The following ZNF66 variants were observed in gnomAD, a reference collection of about 807,000 sequenced individuals.
ZNF66 encodes the protein putative zinc finger protein 66.
Under a neutral mutation model 35.2 loss-of-function variants are expected in ZNF66, and 32 were observed. The ratio of observed to expected loss-of-function variants is 0.91; its 90% CI spans 0.69 to 1.22. ZNF66 has a LOEUF of 1.22. Among genes scored for constraint, ZNF66 ranks in the 50% most tolerant of loss-of-function variants. ZNF66 has a pLI of 0.00. For missense variants in ZNF66, 666 were observed against 543.1 expected, an observed-to-expected ratio of 1.23 and a Z score of -2.25; for synonymous variants, 231 against 181.3, an observed-to-expected ratio of 1.27 and a Z score of -2.20.
At position 20,793,858 on chromosome 19, in the gene ZNF66, A is replaced by G. The variant is rs189794874; in HGVS notation, c.206A>G (p.Glu69Gly). Residue 69 changes from glutamate to glycine, a missense_variant, in exon 3 of 4, where the codon GAG becomes GGG. Physicochemically the swap from Glu to Gly is moderately conservative, Grantham distance 98. Transcript: ENST00000344519. ...AAACCTTCGACTATGCAGAGACATG[A>G]GATGGTAGCCAACCCCTCAGGTAGG... ...GKKPSTMQRH[E>G]MVANPSVLCS... is the part of the protein sequence containing the mutation. 8 of 1,181,864 alleles carry G rather than the reference A, an allele frequency of 6.8e-6. No individual in the cohort carries two copies. Among genetic ancestry groups the G allele is most frequent in the Non-Finnish European group, 9.5e-6 (8 of 840,526 alleles). The allele number at this position is 1,181,864 out of a possible 1,614,324, so 73.2% of individuals were successfully genotyped here.
chr19:20,782,672 TTTTGAAAAGAATCTGTGTTTTTG>T (rs1971255455), intron 1 of ZNF66, among the ~76,000 whole-genome samples: 3 of 152,194 alleles, frequency 2.0e-5, no homozygotes. Flanking sequence ...GTATATCTTC[TTTTGAAAAGAATCTGTGTTTTTG>T]CCTACAATTT....
At chr19:20,799,065 C>CTTTTTTTT (rs746296804) in intron 3 of ZNF66, 9 of 128,152 alleles carry the variant, frequency 7.0e-5, no homozygotes, top group African/African-American at 8.9e-5. Context: ...TTCTTTCTTT[C>CTTTTTTTT]TTTTTTTTTT....
At chr19:20,789,139 G>T (rs1402757951) in intron 1 of ZNF66, among the ~76,000 whole-genome samples, 1 of 152,106 alleles carries the variant, frequency 6.6e-6, no homozygotes, top group East Asian at 1.9e-4. Context: ...CAGGGCAGTG[G>T]CTAGAAAATA....
chr19:20,794,297 A>AT (rs964156824), intron 3 of ZNF66: 145 of 178,306 alleles, frequency 8.1e-4, no homozygotes, highest in South Asian at 2.7e-3. Flanking sequence ...TTTCTGTTGC[A>AT]TTTTTTTTTG....
Position 20,778,980 on chromosome 19 carries a change from CAGTT to C in ZNF66, c.3+2535_3+2538del, listed in dbSNP as rs1339569085. Reference sequence around the variant, plus strand: ...AGCCTGCAACTGGATATTGAAGACTCAGTTAGTTTTTTCTGGGGAGCCTCCCGTG... The same window carrying C: ...AGCCTGCAACTGGATATTGAAGACTCAGTTTTTTCTGGGGAGCCTCCCGTG... On this transcript the variant is annotated intron_variant, in intron 1 of 3. Coordinates refer to ENST00000344519, the MANE Select transcript of ZNF66 (RefSeq NM_001355197.2). Among the ~76,000 whole-genome samples, 13 of 152,226 alleles carry C rather than the reference CAGTT, an allele frequency of 8.5e-5. No homozygotes were observed. The East Asian group carries it at 1.7e-3, about 20-fold the overall frequency.
chr19:20,787,796 G>A (rs1012376061), intron 1 of ZNF66, among the ~76,000 whole-genome samples: 6 of 152,178 alleles, frequency 3.9e-5, no homozygotes, highest in Admixed American at 3.3e-4. Context: ...AGTTATTTTT[G>A]TTATTTCCTT....
chr19:20,796,469 G>T (rs1971393567), intron 3 of ZNF66, among the ~76,000 whole-genome samples: 1 of 152,012 alleles, frequency 6.6e-6, no homozygotes, highest in Non-Finnish European at 1.5e-5. Flanking sequence ...CAGGCAAAAA[G>T]GAATTAAAGG....
At chr19:20,785,435 C>A (rs575162192) in intron 1 of ZNF66, among the ~76,000 whole-genome samples, 117 of 152,314 alleles carry the variant, frequency 7.7e-4, no homozygotes, top group African/African-American at 2.8e-3. Context: ...AAACTACCTC[C>A]TGTTCTGAAG....
chr19:20,792,421 A>G (rs945041640), intron 1 of ZNF66, 91 bp from the exon 2 acceptor site: 14 of 1,190,028 alleles, frequency 1.2e-5, no homozygotes, highest in Middle Eastern at 2.0e-4. Context: ...AGTCAGAACC[A>G]GTTATCTTTA....
intron 2 of ZNF66, among the ~76,000 whole-genome samples, chr19:20,793,297 ATTTTCTTTTCTTTTC>A (rs562862450): frequency 0.079 from 9,182 of 116,144 alleles, 496 homozygotes; most frequent in Middle Eastern, 0.12. Context: ...AATTGAAAGT[ATTTTCTTTTCTTTTC>A]TTTTCTTTTC....
chr19:20,808,275 T>G lies in ZNF66; in HGVS notation c.*953T>G, dbSNP rs581768. 0.093 allele frequency among the ~76,000 whole-genome samples: 14,187 copies of G among 152,136 alleles called. 680 individuals are homozygous for G. Among genetic ancestry groups the G allele is most frequent in the Middle Eastern group, 0.11 (33 of 294 alleles). ...GCCTCTGTAGGCTCCACCTCTGGGGTCAGGGCACAGACAAAAAGACAGCAG... is the reference window on the plus strand; with the variant it reads ...GCCTCTGTAGGCTCCACCTCTGGGGGCAGGGCACAGACAAAAAGACAGCAG... On this transcript the variant is annotated 3_prime_UTR_variant, in exon 4 of 4. Transcript: ENST00000344519.
At chr19:20,786,406 C>G (rs892674650) in intron 1 of ZNF66, among the ~76,000 whole-genome samples, 3 of 152,048 alleles carry the variant, frequency 2.0e-5, no homozygotes, top group African/African-American at 7.2e-5. Flanking sequence ...GCCCAGAAAC[C>G]CAATCAGAGT....
intron 2 of ZNF66, 62 bp from the exon 3 acceptor site, chr19:20,793,721 A>T: frequency 1.6e-6 from 1 of 615,484 alleles, no homozygotes; most frequent in Non-Finnish European, 2.7e-6. Context: ...TCCTGAGCAC[A>T]TTACTAGCTT....
chr19:20,802,578 G>T (rs1215622838), intron 3 of ZNF66, among the ~76,000 whole-genome samples: 1 of 152,110 alleles, frequency 6.6e-6, no homozygotes, highest in African/African-American at 2.4e-5. Context: ...TTTAAAAAAT[G>T]TGTTAAGGCT....
At chr19:20,794,168 A>G in intron 3 of ZNF66, 1 of 439,904 alleles carries the variant, frequency 2.3e-6, no homozygotes, top group Non-Finnish European at 4.2e-6. Context: ...AAGAGACAGC[A>G]CAATCCAGCT....
chr19:20,803,527 TA>T (rs1382475006), intron 3 of ZNF66, among the ~76,000 whole-genome samples: 1 of 151,926 alleles, frequency 6.6e-6, no homozygotes. Context: ...TTGCCAATTA[TA>T]TTTTTTATGT....
chr19:20,793,057 A>G (rs28794771), intron 2 of ZNF66, among the ~76,000 whole-genome samples: 6,305 of 151,288 alleles, frequency 0.042, 216 homozygotes, highest in South Asian at 0.12. Context: ...ACAGAGCAAG[A>G]TTCTGTCTCA....
Position 20,809,552 on chromosome 19 carries a change from A to C in ZNF66, c.*2230A>C, listed in dbSNP as rs1451352397. On this transcript the variant is annotated 3_prime_UTR_variant, in exon 4 of 4. Transcript: ENST00000344519. ...AACATTCTTAAAGAAAAGAATTTTC[A>C]ACCCAGAATTTCATATCCAGCCAAA... Among the ~76,000 whole-genome samples the C allele has an allele frequency of 6.6e-6, 1 of 152,082 alleles. No homozygotes were observed. The highest frequency in any genetic ancestry group is 1.5e-5 in the Non-Finnish European group (1 of 67,994).
intron 1 of ZNF66, among the ~76,000 whole-genome samples, chr19:20,788,812 G>T (rs1440720586): frequency 1.3e-5 from 2 of 152,066 alleles, no homozygotes; most frequent in African/African-American, 4.8e-5. Flanking sequence ...CAGCACTTTG[G>T]GGGTCTAAGG....
Sources: gnomAD v4.1 joint callset for allele counts (sites outside exome capture counted in the v4.1 genomes callset) on GRCh38, gnomAD v4.1.1 for gene constraint, MANE v1.5 for transcripts, NCBI Gene and HGNC (gene_info 2026-07-23, HGNC 2026-07-21) for gene names.